Variants in DNAH2 observed in about 807,000 individuals in gnomAD.
DNAH2 encodes dynein axonemal heavy chain 2, also known as axonemal beta dynein heavy chain 2.
In DNAH2, 323 loss-of-function variants were observed where a neutral mutation model predicts 523.5. The ratio of observed to expected loss-of-function variants is 0.62; its 90% CI spans 0.56 to 0.68. The LOEUF (loss-of-function observed/expected upper bound fraction) is 0.68. Among genes scored for constraint, DNAH2 ranks in the 30% least tolerant of loss-of-function variants. The pLI, the probability that DNAH2 is intolerant of heterozygous loss-of-function variation, is 0.00. For missense variants in DNAH2, 4,907 were observed against 5,701.5 expected (o/e 0.86, Z 4.49); for synonymous variants, 2,093 against 2,177.4 (o/e 0.96, Z 1.08).
chr17:7,777,091 T>C (rs2076474938), intron 32 of DNAH2, among the ~76,000 whole-genome samples: 1 of 145,586 alleles, frequency 6.9e-6, no homozygotes, highest in Admixed American at 7.0e-5. Flanking sequence ...ATCGTACCAC[T>C]GCACTCCAGC....
At position 7,812,659 on chromosome 17, in the gene DNAH2, G is replaced by T. The variant is rs188221006; in HGVS notation, c.9730-3912G>T. ...AATAAAGCCAGGTGCGGTGGCTCAC[G>T]CCTGGAATCCCAGCACTCTGGGAGG... On this transcript the variant is annotated intron_variant, in intron 63 of 85. Transcript: ENST00000572933. Among the ~76,000 whole-genome samples, 391 of 150,486 alleles carry T rather than the reference G, an allele frequency of 2.6e-3. 2 individuals carry two copies. The highest frequency in any genetic ancestry group is 0.024 in the Middle Eastern group (7 of 290).
At position 7,727,275 on chromosome 17, in the gene DNAH2, C is replaced by T. The variant is rs1379607898; in HGVS notation, c.382C>T (p.Leu128=). 3.1e-6 allele frequency: 5 copies of T among 1,611,776 alleles called. No individual in the cohort carries two copies. In the East Asian group the frequency reaches 6.7e-5, roughly 22 times the overall value. The change falls in exon 4 of 86, where the codon CTG becomes TTG. Residue 128 remains leucine, a synonymous_variant. Coordinates refer to ENST00000572933, the MANE Select transcript of DNAH2 (RefSeq NM_020877.5). ...CCCTTGTTTTGGGCTGAAGCTAGAG[C>T]TGGGCATGCCTGTACAGGTGCGTAC... The part of the protein sequence containing the change: ...IDPCFGLKLE[L]GMPVQTQNQL...
At chr17:7,799,993 C>T (rs1054534860) in intron 56 of DNAH2, among the ~76,000 whole-genome samples, 14 of 152,378 alleles carry the variant, frequency 9.2e-5, no homozygotes, top group African/African-American at 2.9e-4. Flanking sequence ...TCCCCAGCTG[C>T]TGTCTCTTGA....
At chr17:7,725,272 T>G (rs1444354088) in intron 3 of DNAH2, among the ~76,000 whole-genome samples, 1 of 149,998 alleles carries the variant, frequency 6.7e-6, no homozygotes, top group East Asian at 2.0e-4. Flanking sequence ...GTATTTTTAG[T>G]AGAGACGGGG....
chr17:7,742,955 C>T lies in DNAH2; in HGVS notation c.1717C>T (p.Arg573Cys), dbSNP rs747052000. The part of the protein sequence containing the change: ...TCLAGAHFLP[R>C]IGTGKESVHT... The stretch of plus-strand genomic sequence containing the variant: ...CCTTGCTGGTGCTCATTTCCTGCCC[C>T]GTATTGGGACTGGAAAGGAGAGTGT... Residue 573 changes from arginine (R) to cysteine (C), a missense_variant, in exon 12 of 86, where the codon CGT (arginine) becomes TGT (cysteine). Arg to Cys is a radical substitution (Grantham distance 180). Coordinates refer to ENST00000572933, the MANE Select transcript of DNAH2 (RefSeq NM_020877.5). 1.8e-5 allele frequency: 27 copies of T among 1,470,862 alleles called. No individual in the cohort carries two copies. Among genetic ancestry groups the T allele is most frequent in the South Asian group, 7.8e-5 (5 of 63,800 alleles). The allele number at this position is 1,470,862 out of a possible 1,614,324, so 91.1% of individuals were successfully genotyped here.
intron 63 of DNAH2, among the ~76,000 whole-genome samples, chr17:7,815,710 G>A (rs2077646488): frequency 6.9e-6 from 1 of 145,064 alleles, no homozygotes; most frequent in East Asian, 2.0e-4. Flanking sequence ...ACATGTATAC[G>A]GGATCACACA....
At position 7,770,752 on chromosome 17, in the gene DNAH2, G is replaced by C; in HGVS notation, c.4182-1G>C. On this transcript the variant is annotated splice_acceptor_variant, in intron 26 of 85. Coordinates refer to ENST00000572933, the MANE Select transcript of DNAH2 (RefSeq NM_020877.5). LOFTEE classifies it high-confidence loss of function. ...TATGATTTTGACCCCTTGTGTCTCA[G>C]AGGTACAGAAGAAGTATTCCAGGCA... is the stretch of plus-strand genomic sequence containing the variant. The C allele has an allele frequency of 6.2e-7, 1 of 1,614,186 alleles. No homozygotes were observed. The highest frequency in any genetic ancestry group is 8.5e-7 in the Non-Finnish European group (1 of 1,180,032).
intron 33 of DNAH2, 33 bp from the exon 34 acceptor site, chr17:7,778,044 C>T (rs766014232): frequency 6.3e-5 from 100 of 1,579,164 alleles, no homozygotes; most frequent in Middle Eastern, 5.0e-4. Context: ...CTTCCAAGCC[C>T]ACCTCTCTCT....
In DNAH2 at chr17:7,797,816, G is replaced by A; in HGVS notation, c.8217G>A (p.Glu2739=). 6.2e-7 allele frequency: 1 copy of A among 1,612,516 alleles called. No individual in the cohort carries two copies. Among genetic ancestry groups the A allele is most frequent in the South Asian group, 1.1e-5 (1 of 90,856 alleles). The stretch of plus-strand genomic sequence containing the variant: ...CCATGCAGCTAGTGCTCTTCCGAGA[G>A]GCTATTGAACACAGTGAGCACCTGC... The part of the protein sequence containing the change: ...VVPMQLVLFR[E]AIEHITRIVR... Residue 2739 remains glutamate, a synonymous_variant, in exon 53 of 86, where the codon GAG becomes GAA. Coordinates refer to ENST00000572933, the MANE Select transcript of DNAH2 (RefSeq NM_020877.5).
chr17:7,833,690 A>G lies in DNAH2; in HGVS notation c.*157A>G. The G allele has an allele frequency of 1.9e-6, 2 of 1,027,338 alleles. No individual in the cohort carries two copies. The highest frequency in any genetic ancestry group is 4.0e-4 in the Middle Eastern group (2 of 5,012). 63.6% of individuals were successfully genotyped at this position (1,027,338 alleles called of 1,614,324 possible). ...GAGATACCTAGTTGTGTTAGCCATA[A>G]AAGTGAAAGAGTTGTATTGGAGCTC... On this transcript the variant is annotated 3_prime_UTR_variant, in exon 86 of 86. Transcript: ENST00000572933.
At chr17:7,778,584 T>C (rs1402441487) in intron 35 of DNAH2, 115 bp downstream of exon 35, 2 of 937,110 alleles carry the variant, frequency 2.1e-6, no homozygotes, top group East Asian at 2.7e-5. Flanking sequence ...TTGCATCACA[T>C]GTAATTCTTA....
chr17:7,794,475 C>T, intron 49 of DNAH2, 117 bp downstream of exon 49: 12 of 870,802 alleles, frequency 1.4e-5, no homozygotes, highest in Non-Finnish European at 1.9e-5. Context: ...GAGCTCCACG[C>T]AGGACGCTGG....
At chr17:7,799,521 A>AC (rs2077163673) in intron 56 of DNAH2, among the ~76,000 whole-genome samples, 1 of 152,010 alleles carries the variant, frequency 6.6e-6, no homozygotes, top group South Asian at 2.1e-4. Context: ...TGTGGTTAAA[A>AC]ACACACACAC....
chr17:7,799,354 C>T, intron 56 of DNAH2, 112 bp downstream of exon 56: 1 of 1,429,720 alleles, frequency 7.0e-7, no homozygotes, highest in Admixed American at 1.9e-5. Flanking sequence ...GCTCCTCTGC[C>T]CGCCTCACCC....
At chr17:7,759,165 A>G in intron 15 of DNAH2, 41 bp downstream of exon 15, 1 of 1,609,050 alleles carries the variant, frequency 6.2e-7, no homozygotes, top group Admixed American at 1.7e-5. Context: ...TGGAAAAACC[A>G]CAGTCCCCCA....
intron 8 of DNAH2, 48 bp downstream of exon 8, chr17:7,737,306 G>A: frequency 2.5e-6 from 4 of 1,584,750 alleles, no homozygotes; most frequent in Non-Finnish European, 3.5e-6. Flanking sequence ...AGGGTGGCCG[G>A]GTTTTCTGAA....
At chr17:7,752,772 A>G (rs556810849) in intron 12 of DNAH2, among the ~76,000 whole-genome samples, 1 of 152,244 alleles carries the variant, frequency 6.6e-6, no homozygotes, top group South Asian at 2.1e-4. Flanking sequence ...AACAAAATAA[A>G]ACACCCTTGC....
At position 7,771,481 on chromosome 17, in the gene DNAH2, G is replaced by A. The variant is rs1244331654; in HGVS notation, c.4501+13G>A. On this transcript the variant is annotated intron_variant, in intron 28 of 85. Transcript: ENST00000572933. ...ACCCATCACCCAGGTCAGAGCTCCA[G>A]GGCTCCTGCCCTGACACAGCCTCGG... 1.2e-6 allele frequency: 2 copies of A among 1,613,686 alleles called. No homozygotes were observed. The highest frequency in any genetic ancestry group is 1.7e-4 in the Middle Eastern group (1 of 6,034).
chr17:7,740,015 G>C, intron 9 of DNAH2, 77 bp downstream of exon 9: 1 of 1,357,688 alleles, frequency 7.4e-7, no homozygotes, highest in Non-Finnish European at 9.9e-7. Context: ...GGAGTGGCGA[G>C]AGTATGCAAA....
Sources: allele counts gnomAD v4.1 joint callset (sites outside exome capture counted in the v4.1 genomes callset), GRCh38; gene constraint gnomAD v4.1.1; transcripts MANE v1.5; gene names NCBI Gene and HGNC (gene_info 2026-07-23, HGNC 2026-07-21).